TLK1: variants seen among roughly 807,000 people sequenced by gnomAD.
The protein encoded by TLK1 is serine/threonine-protein kinase tousled-like 1.
Under a neutral mutation model 105.3 loss-of-function variants are expected in TLK1, and 24 were observed. The observed-to-expected ratio is 0.23, with a 90% CI of 0.17 to 0.32. The LOEUF (loss-of-function observed/expected upper bound fraction) is 0.32, where lower values mean the gene tolerates loss of function less well. Among genes scored for constraint, TLK1 ranks in the 10% least tolerant of loss-of-function variants. The probability of loss-of-function intolerance (pLI) is 1.00; values close to 1 mark genes in which losing one functional copy is unlikely to be tolerated. For missense variants in TLK1, 558 were observed against 910.5 expected (o/e 0.61, Z 4.98); for synonymous variants, 321 against 310.4 (o/e 1.03, Z -0.36).
intron 1 of TLK1, among the ~76,000 whole-genome samples, chr2:171,158,089 A>G (rs1692307610): frequency 6.6e-6 from 1 of 152,228 alleles, no homozygotes. Context: ...AATCATCTCC[A>G]TTTTGACACT....
At chr2:171,110,168 T>C (rs1690099243) in intron 2 of TLK1, among the ~76,000 whole-genome samples, 1 of 152,182 alleles carries the variant, frequency 6.6e-6, no homozygotes, top group African/African-American at 2.4e-5. Flanking sequence ...ATGTTCCTCA[T>C]CTAGAAAATG....
intron 12 of TLK1, among the ~76,000 whole-genome samples, chr2:171,016,585 T>C (rs1293554296): frequency 6.6e-6 from 1 of 152,222 alleles, no homozygotes; most frequent in Non-Finnish European, 1.5e-5. Flanking sequence ...TTTGCTTCTT[T>C]TTAGTAATTT....
At chr2:171,132,353 T>C (rs1285854575) in intron 1 of TLK1, among the ~76,000 whole-genome samples, 1 of 151,892 alleles carries the variant, frequency 6.6e-6, no homozygotes, top group Non-Finnish European at 1.5e-5. Flanking sequence ...ACATGGAGAT[T>C]ATGGGAACTA....
In TLK1 at chr2:171,218,527, AC is replaced by A. The variant is rs78158613; in HGVS notation, c.-6+12617del. Among the ~76,000 whole-genome samples, 1,228 of 152,374 alleles carry A rather than the reference AC, an allele frequency of 8.1e-3. 101 individuals are homozygous for A. The East Asian group carries it at 0.18, about 23-fold the overall frequency. On this transcript the variant is annotated intron_variant, in intron 1 of 20. Transcript: ENST00000521943. ...CTTAGTTCATTTATGCTGCTATAAC[AC>A]AATACCTGAGACTGGGTAATTTATA...
rs111586995 is a variant in TLK1, at chr2:171,097,320, A to C, written c.259-14468T>G. ...ACCCTTATCTCATACCATATATAAA[A>C]ATCAACTCAAAATGAATTAAAGACA... On this transcript the variant is annotated intron_variant, in intron 2 of 20. Coordinates refer to ENST00000431350, the MANE Select transcript of TLK1 (RefSeq NM_012290.5). 2.7e-3 allele frequency among the ~76,000 whole-genome samples: 417 copies of C among 152,322 alleles called. 3 individuals carry two copies. The highest frequency in any genetic ancestry group is 9.5e-3 in the African/African-American group (393 of 41,572).
intron 2 of TLK1, among the ~76,000 whole-genome samples, chr2:171,091,390 G>A (rs1261286876): frequency 6.6e-6 from 1 of 152,158 alleles, no homozygotes; most frequent in Non-Finnish European, 1.5e-5. Context: ...AGCATTAACT[G>A]TCTTAAATTT....
At chr2:171,089,576 T>C (rs1257483773) in intron 2 of TLK1, among the ~76,000 whole-genome samples, 1 of 152,260 alleles carries the variant, frequency 6.6e-6, no homozygotes, top group African/African-American at 2.4e-5. Context: ...TAGATCAAGT[T>C]ACTATTTACA....
At chr2:171,207,062 G>T (rs1444607845) in intron 1 of TLK1, among the ~76,000 whole-genome samples, 1 of 152,184 alleles carries the variant, frequency 6.6e-6, no homozygotes. Context: ...TTACCCAAAT[G>T]AATTGAAATC....
At chr2:171,119,945 G>A (rs1476567188) in intron 1 of TLK1, among the ~76,000 whole-genome samples, 1 of 152,042 alleles carries the variant, frequency 6.6e-6, no homozygotes, top group African/African-American at 2.4e-5. Flanking sequence ...CAAAAGCACA[G>A]GCAACTAAAG....
At chr2:171,201,505 A>G (rs966086673) in intron 1 of TLK1, among the ~76,000 whole-genome samples, 7 of 152,170 alleles carry the variant, frequency 4.6e-5, no homozygotes, top group Non-Finnish European at 8.8e-5. Flanking sequence ...AATCCCATTC[A>G]TGACACATTT....
upstream of TLK1, among the ~76,000 whole-genome samples, chr2:171,165,711 G>A (rs1040003988): frequency 1.3e-5 from 2 of 152,164 alleles, no homozygotes; most frequent in Admixed American, 1.3e-4. Context: ...AGGAGTTCGA[G>A]ACCAGCCTGA....
chr2:171,227,943 A>G (rs1693932173), intron 1 of TLK1, among the ~76,000 whole-genome samples: 1 of 152,202 alleles, frequency 6.6e-6, no homozygotes, highest in African/African-American at 2.4e-5. Context: ...TGGAAAGCTG[A>G]GGCAGGTGGA....
intron 1 of TLK1, among the ~76,000 whole-genome samples, chr2:171,172,399 T>C (rs1241347362): frequency 6.6e-6 from 1 of 152,196 alleles, no homozygotes; most frequent in Admixed American, 6.5e-5. Flanking sequence ...GTAGTTATAC[T>C]TCAATAAAAT....
At chr2:171,198,468 C>G (rs547002295) in intron 1 of TLK1, among the ~76,000 whole-genome samples, 1 of 152,180 alleles carries the variant, frequency 6.6e-6, no homozygotes, top group Non-Finnish European at 1.5e-5. Flanking sequence ...GAAATATTAG[C>G]CCATTCAAAA....
intron 10 of TLK1, among the ~76,000 whole-genome samples, chr2:171,047,375 A>C (rs566912069): frequency 6.6e-6 from 1 of 152,364 alleles, no homozygotes; most frequent in South Asian, 2.1e-4. Context: ...TACAATACTT[A>C]GAGCAAGTCA....
intron 2 of TLK1, among the ~76,000 whole-genome samples, chr2:171,093,608 C>T (rs1029780112): frequency 5.9e-5 from 9 of 151,356 alleles, no homozygotes; most frequent in Non-Finnish European, 7.4e-5. Context: ...GGTAGGAATC[C>T]GAAAAATGTC....
At chr2:171,040,523 A>G (rs1288053012) in intron 11 of TLK1, among the ~76,000 whole-genome samples, 3 of 151,842 alleles carry the variant, frequency 2.0e-5, no homozygotes, top group Non-Finnish European at 4.4e-5. Context: ...TTAAAAAGAG[A>G]TAAGTAGTCT....
intron 2 of TLK1, among the ~76,000 whole-genome samples, chr2:171,096,757 C>CAA (rs55784045): frequency 0.013 from 1,533 of 114,044 alleles, 28 homozygotes; most frequent in African/African-American, 0.042. Flanking sequence ...GACCCTGTCT[C>CAA]AAAAAAAAAA....
chr2:171,215,568 A>C (rs1693698040), intron 1 of TLK1, among the ~76,000 whole-genome samples: 1 of 152,212 alleles, frequency 6.6e-6, no homozygotes, highest in Non-Finnish European at 1.5e-5. Context: ...TTTAAGTTGA[A>C]ATCCAAAAGG....
Sources: allele counts gnomAD v4.1 joint callset (sites outside exome capture counted in the v4.1 genomes callset), GRCh38; gene constraint gnomAD v4.1.1; transcripts MANE v1.5; gene names NCBI Gene and HGNC (gene_info 2026-07-23, HGNC 2026-07-21).